FHIT: variants seen among roughly 807,000 people sequenced by gnomAD.
FHIT encodes the protein bis(5'-adenosyl)-triphosphatase.
A neutral mutation model predicts 17.9 loss-of-function variants in FHIT; 19 were observed. The ratio of observed to expected loss-of-function variants is 1.06; its 90% CI spans 0.74 to 1.56. The LOEUF is 1.56. Ranked by LOEUF, FHIT falls within the 40% of genes most tolerant of loss-of-function variation. The probability of loss-of-function intolerance (pLI) is 0.00; values close to 1 mark genes in which losing one functional copy is unlikely to be tolerated. For missense variants in FHIT, 248 were observed against 189.2 expected, an observed-to-expected ratio of 1.31 and a Z score of -1.82; for synonymous variants, 81 against 69.7, an observed-to-expected ratio of 1.16 and a Z score of -0.81.
At chr3:59,997,360 G>C (rs1699556362) in intron 7 of FHIT, among the ~76,000 whole-genome samples, 2 of 151,870 alleles carry the variant, frequency 1.3e-5, no homozygotes, top group South Asian at 4.2e-4. Flanking sequence ...AGGACCACAA[G>C]GTAAATATTT....
At chr3:60,540,452 A>T (rs187085308) in intron 4 of FHIT, among the ~76,000 whole-genome samples, 1 of 152,312 alleles carries the variant, frequency 6.6e-6, no homozygotes, top group South Asian at 2.1e-4. Context: ...TGACAGTCTC[A>T]TGGCATTGAG....
chr3:60,911,561 A>C (rs1553765895), intron 3 of FHIT, among the ~76,000 whole-genome samples: 1 of 152,200 alleles, frequency 6.6e-6, no homozygotes, highest in Admixed American at 6.5e-5. Context: ...GGTTCCCTGC[A>C]GAGCACTGGT....
chr3:61,235,880 G>C (rs2040218728), intron 1 of FHIT, among the ~76,000 whole-genome samples: 1 of 152,002 alleles, frequency 6.6e-6, no homozygotes, highest in African/African-American at 2.4e-5. Flanking sequence ...CATTCACCTT[G>C]TCCTGTCCAG....
chr3:59,858,634 A>T (rs1447504044), intron 8 of FHIT, among the ~76,000 whole-genome samples: 1 of 152,004 alleles, frequency 6.6e-6, no homozygotes, highest in Non-Finnish European at 1.5e-5. Flanking sequence ...CTGAACATGC[A>T]GGGCAACGTG....
intron 4 of FHIT, 54 bp from the exon 5 acceptor site, chr3:60,537,033 T>C: frequency 6.7e-7 from 1 of 1,486,388 alleles, no homozygotes; most frequent in Non-Finnish European, 9.0e-7. Context: ...ACTCAGTTCA[T>C]ATACCACCTT....
chr3:60,520,525 G>C (rs114835586), intron 5 of FHIT, among the ~76,000 whole-genome samples: 1,807 of 152,276 alleles, frequency 0.012, 34 homozygotes, highest in African/African-American at 0.039. Flanking sequence ...TAGAGAGCAT[G>C]TCAGTCCTAG....
In FHIT at chr3:59,998,655, C is replaced by G. The variant is rs575611139; in HGVS notation, c.279+12716G>C. Among the ~76,000 whole-genome samples the G allele has an allele frequency of 2.4e-4, 37 of 152,152 alleles. 1 individual carries two copies. The South Asian group carries it at 6.9e-3, about 28-fold the overall frequency. On this transcript the variant is annotated intron_variant, in intron 7 of 9. Transcript: ENST00000492590. ...AAGTGGTTCTCTGGAAAGAGCCAGC[C>G]AGTCTCAGGTATAATCCAATTATTC...
At chr3:60,097,270 T>C (rs1469039772) in intron 5 of FHIT, among the ~76,000 whole-genome samples, 1 of 151,988 alleles carries the variant, frequency 6.6e-6, no homozygotes, top group African/African-American at 2.4e-5. Flanking sequence ...GATGAGGAGC[T>C]TAAATGGAAT....
At chr3:59,957,674 G>A (rs1707470900) in intron 7 of FHIT, among the ~76,000 whole-genome samples, 1 of 152,194 alleles carries the variant, frequency 6.6e-6, no homozygotes, top group Non-Finnish European at 1.5e-5. Context: ...ATATGTCTCA[G>A]TGGCACTTAC....
chr3:61,213,009 T>A (rs895143424), intron 1 of FHIT, among the ~76,000 whole-genome samples: 1 of 152,112 alleles, frequency 6.6e-6, no homozygotes, highest in Non-Finnish European at 1.5e-5. Flanking sequence ...AAGGAAGCAC[T>A]AAACATGGAA....
intron 5 of FHIT, among the ~76,000 whole-genome samples, chr3:60,143,403 C>G (rs1258407675): frequency 3.3e-5 from 5 of 152,074 alleles, no homozygotes; most frequent in Non-Finnish European, 7.4e-5. Context: ...TTTCTGCTTG[C>G]CTTGCTGCAT....
intron 2 of FHIT, among the ~76,000 whole-genome samples, chr3:61,066,550 G>A (rs2034616997): frequency 1.3e-5 from 2 of 152,178 alleles, no homozygotes; most frequent in Admixed American, 6.5e-5. Flanking sequence ...AGGAGGCAAA[G>A]GTTGCAGTGA....
intron 7 of FHIT, among the ~76,000 whole-genome samples, chr3:59,995,608 TA>T (rs1236690867): frequency 6.6e-6 from 1 of 152,096 alleles, no homozygotes; most frequent in Admixed American, 6.6e-5. Context: ...ATCCATGATG[TA>T]AGGTATAAAG....
intron 7 of FHIT, among the ~76,000 whole-genome samples, chr3:59,956,236 G>C (rs1192071306): frequency 6.6e-6 from 1 of 152,142 alleles, no homozygotes; most frequent in East Asian, 1.9e-4. Context: ...GACAGGGGCT[G>C]GGTGACTAAA....
intron 4 of FHIT, among the ~76,000 whole-genome samples, chr3:60,625,874 C>A (rs1553680757): frequency 6.6e-6 from 1 of 152,140 alleles, no homozygotes; most frequent in African/African-American, 2.4e-5. Context: ...ATAGTTTTAG[C>A]TTTTACATTT....
At chr3:60,991,586 A>C (rs1020129851) in intron 3 of FHIT, among the ~76,000 whole-genome samples, 1 of 152,306 alleles carries the variant, frequency 6.6e-6, no homozygotes, top group East Asian at 1.9e-4. Context: ...TTAAGAACAT[A>C]GTGCTAGTCA....
In FHIT at chr3:60,116,351, G is replaced by C. The variant is rs186986463; in HGVS notation, c.104-102199C>G. Among the ~76,000 whole-genome samples, 3 of 152,252 alleles carry C rather than the reference G, an allele frequency of 2.0e-5. No individual in the cohort carries two copies. The South Asian group carries it at 6.2e-4, about 32-fold the overall frequency. ...TGAAAAAGCTGGAGCCCCATCTCAT[G>C]GAACAGTGGCACAAAGTATTCTCGA... On this transcript the variant is annotated intron_variant, in intron 5 of 9. Coordinates refer to ENST00000492590, the MANE Select transcript of FHIT (RefSeq NM_002012.4).
chr3:60,290,626 G>T (rs1258273777), intron 5 of FHIT, among the ~76,000 whole-genome samples: 3 of 152,104 alleles, frequency 2.0e-5, no homozygotes, highest in Non-Finnish European at 4.4e-5. Context: ...CCTTATCAAG[G>T]AAAGGTCTAG....
intron 2 of FHIT, among the ~76,000 whole-genome samples, chr3:61,136,417 C>T (rs1163364006): frequency 6.6e-6 from 1 of 152,036 alleles, no homozygotes; most frequent in East Asian, 1.9e-4. Context: ...CATCAAACAG[C>T]TTTCGGGGTG....
Sources: allele counts gnomAD v4.1 joint callset (sites outside exome capture counted in the v4.1 genomes callset), GRCh38; gene constraint gnomAD v4.1.1; transcripts MANE v1.5; gene names NCBI Gene and HGNC (gene_info 2026-07-23, HGNC 2026-07-21).